Variants in NRXN3 observed in about 807,000 individuals in gnomAD.
NRXN3 encodes the protein neurexin 3.
A neutral mutation model predicts 137.6 loss-of-function variants in NRXN3; 32 were observed. The observed-to-expected ratio is 0.23, with a 90% CI of 0.18 to 0.31. NRXN3 has a LOEUF of 0.31. Among genes scored for constraint, NRXN3 ranks in the 10% least tolerant of loss-of-function variants. NRXN3 has a pLI of 1.00. For missense variants in NRXN3, 1,574 were observed against 2,062.5 expected (o/e 0.76, Z 4.59); for synonymous variants, 798 against 784.5 (o/e 1.02, Z -0.29).
At chr14:78,445,495 T>A (rs2094393163) in intron 4 of NRXN3, among the ~76,000 whole-genome samples, 1 of 152,172 alleles carries the variant, frequency 6.6e-6, no homozygotes, top group African/African-American at 2.4e-5. Flanking sequence ...CAGAAGGAGC[T>A]TTGGTGGCTG....
intron 1 of NRXN3, among the ~76,000 whole-genome samples, chr14:78,176,280 G>A (rs1370643196): frequency 1.3e-5 from 2 of 151,832 alleles, no homozygotes; most frequent in Non-Finnish European, 2.9e-5. Flanking sequence ...TCTAATATTA[G>A]TAATCACCAT....
At chr14:78,394,300 C>T (rs1341592875) in intron 4 of NRXN3, among the ~76,000 whole-genome samples, 1 of 151,846 alleles carries the variant, frequency 6.6e-6, no homozygotes, top group East Asian at 1.9e-4. Flanking sequence ...TAAATTTTGT[C>T]AGATGCTATT....
chr14:79,002,968 A>C (rs1483003125), intron 15 of NRXN3, among the ~76,000 whole-genome samples: 1 of 152,044 alleles, frequency 6.6e-6, no homozygotes, highest in Non-Finnish European at 1.5e-5. Flanking sequence ...CCTGAATTTT[A>C]TTTATTTGTT....
At chr14:78,922,773 G>A (rs1488864203) in intron 10 of NRXN3, among the ~76,000 whole-genome samples, 1 of 152,088 alleles carries the variant, frequency 6.6e-6, no homozygotes, top group African/African-American at 2.4e-5. Context: ...CCTAGGTGAT[G>A]GGTTGATAGG....
At chr14:79,744,376 T>C (rs1209731557) in intron 19 of NRXN3, among the ~76,000 whole-genome samples, 1 of 151,910 alleles carries the variant, frequency 6.6e-6, no homozygotes, top group East Asian at 1.9e-4. Context: ...CTTTAATGTG[T>C]CATTCTCTTC....
intron 15 of NRXN3, among the ~76,000 whole-genome samples, chr14:79,131,555 G>T (rs1016891782): frequency 6.6e-6 from 1 of 152,254 alleles, no homozygotes; most frequent in Non-Finnish European, 1.5e-5. Context: ...CTAGCTGCAT[G>T]CTGGGAGAAC....
At chr14:78,464,441 G>A (rs2095036026) in intron 4 of NRXN3, among the ~76,000 whole-genome samples, 3 of 152,146 alleles carry the variant, frequency 2.0e-5, no homozygotes, top group Admixed American at 2.0e-4. Flanking sequence ...GAAATAAAGA[G>A]TGTCTTAGAA....
intron 13 of NRXN3, among the ~76,000 whole-genome samples, chr14:78,967,855 C>T (rs952572990): frequency 6.6e-6 from 1 of 152,054 alleles, no homozygotes; most frequent in Non-Finnish European, 1.5e-5. Context: ...GTATATCCCT[C>T]AGCATATTAT....
intron 4 of NRXN3, among the ~76,000 whole-genome samples, chr14:78,501,942 C>T (rs12586255): frequency 6.6e-6 from 1 of 151,812 alleles, no homozygotes; most frequent in Admixed American, 6.6e-5. Flanking sequence ...TCTATGCAGC[C>T]CCCCCAGGGT....
intron 4 of NRXN3, among the ~76,000 whole-genome samples, chr14:78,560,673 G>A (rs1007498922): frequency 1.1e-4 from 17 of 152,180 alleles, no homozygotes; most frequent in Non-Finnish European, 2.4e-4. Context: ...CAGGCTCTGG[G>A]ATGGAGAGTT....
intron 20 of NRXN3, among the ~76,000 whole-genome samples, chr14:79,811,353 T>G (rs1212193785): frequency 6.6e-6 from 1 of 152,162 alleles, no homozygotes; most frequent in African/African-American, 2.4e-5. Context: ...GCTGTGGACA[T>G]CAGTCATTTT....
intron 15 of NRXN3, among the ~76,000 whole-genome samples, chr14:79,209,709 A>G (rs977751257): frequency 3.3e-5 from 5 of 152,182 alleles, no homozygotes; most frequent in Admixed American, 1.3e-4. Flanking sequence ...TCTTTCTTAT[A>G]CCAGCGATTT....
intron 15 of NRXN3, among the ~76,000 whole-genome samples, chr14:79,007,315 C>G (rs948475485): frequency 2.6e-5 from 4 of 152,076 alleles, no homozygotes; most frequent in African/African-American, 9.7e-5. Context: ...CACTTCGCTG[C>G]ATTGTTGATT....
chr14:79,198,948 C>T (rs754321310), intron 15 of NRXN3, among the ~76,000 whole-genome samples: 4 of 152,174 alleles, frequency 2.6e-5, no homozygotes, highest in East Asian at 1.9e-4. Flanking sequence ...AGGCGGATCA[C>T]GAAGTCAGGA....
At chr14:78,613,947 C>G (rs895487280) in intron 4 of NRXN3, among the ~76,000 whole-genome samples, 1 of 152,168 alleles carries the variant, frequency 6.6e-6, no homozygotes, top group East Asian at 1.9e-4. Flanking sequence ...CTTACAAGCT[C>G]TATTATAGCA....
At chr14:79,636,536 T>C (rs2098404683) in intron 16 of NRXN3, among the ~76,000 whole-genome samples, 1 of 152,228 alleles carries the variant, frequency 6.6e-6, no homozygotes, top group Admixed American at 6.5e-5. Context: ...GTACTTGCTC[T>C]TCCAGGCACC....
intron 15 of NRXN3, among the ~76,000 whole-genome samples, chr14:79,127,379 C>G (rs1359704154): frequency 0.018 from 2,795 of 151,986 alleles, 79 homozygotes; most frequent in African/African-American, 0.063. Flanking sequence ...GATCCAGTTT[C>G]AGCTTTCTAC....
At chr14:79,192,765 ATTTTTTTTTTTTTTT>A (rs961910712) in intron 15 of NRXN3, among the ~76,000 whole-genome samples, 2 of 115,300 alleles carry the variant, frequency 1.7e-5, no homozygotes, top group South Asian at 2.9e-4. Context: ...AATTCTCTTA[ATTTTTTTTTTTTTTT>A]TTTTTTTTGA....
chr14:79,713,478 G>GTGTATATA (rs145838618), intron 19 of NRXN3, among the ~76,000 whole-genome samples: 128 of 135,356 alleles, frequency 9.5e-4, no homozygotes, highest in African/African-American at 3.4e-3. Flanking sequence ...TATATATAAT[G>GTGTATATA]TATATATATA....
Sources: gnomAD v4.1 joint callset for allele counts (sites outside exome capture counted in the v4.1 genomes callset) on GRCh38, gnomAD v4.1.1 for gene constraint, MANE v1.5 for transcripts, NCBI Gene and HGNC (gene_info 2026-07-23, HGNC 2026-07-21) for gene names.